Variants in FAP observed in about 807,000 individuals in gnomAD.
The protein encoded by FAP is prolyl endopeptidase FAP.
FAP carries 110 observed loss-of-function variants against 126.5 expected under a neutral mutation model. That is an observed-to-expected ratio of 0.87 (90% confidence interval 0.74 to 1.02). The LOEUF is 1.02. Among genes scored for constraint, FAP ranks in the 50% least tolerant of loss-of-function variants. The probability of loss-of-function intolerance (pLI) is 0.00; values close to 1 mark genes in which losing one functional copy is unlikely to be tolerated. For missense variants in FAP, 919 were observed against 909.2 expected (o/e 1.01, Z -0.14); for synonymous variants, 334 against 297.3 (o/e 1.12, Z -1.27).
intron 21 of FAP, among the ~76,000 whole-genome samples, chr2:162,178,934 G>C (rs1687584975): frequency 6.6e-6 from 1 of 152,032 alleles, no homozygotes; most frequent in South Asian, 2.1e-4. Context: ...TATTGTATAA[G>C]AGCACACACA....
chr2:162,225,941 T>TC (rs1213212511), intron 3 of FAP, among the ~76,000 whole-genome samples: 1 of 152,172 alleles, frequency 6.6e-6, no homozygotes, highest in Non-Finnish European at 1.5e-5. Context: ...AACTTAAAAC[T>TC]CACTTTGTAT....
At chr2:162,233,197 A>C (rs765642506) in intron 2 of FAP, among the ~76,000 whole-genome samples, 51 of 152,144 alleles carry the variant, frequency 3.4e-4, no homozygotes, top group Non-Finnish European at 6.2e-4. Context: ...CTAAGAAAAA[A>C]AATTCTGTGC....
intron 8 of FAP, among the ~76,000 whole-genome samples, chr2:162,218,816 T>G (rs1689265236): frequency 6.6e-6 from 1 of 152,020 alleles, no homozygotes; most frequent in Admixed American, 6.6e-5. Context: ...ACCATATACT[T>G]TTTTGGATTA....
intron 16 of FAP, chr2:162,197,581 A>G (rs1243049028): frequency 4.4e-6 from 2 of 456,590 alleles, no homozygotes; most frequent in African/African-American, 4.0e-5. Flanking sequence ...TCTTTGTGCT[A>G]TCTTCAAGGG....
At position 162,170,746 on chromosome 2, in the gene FAP, C is replaced by A; in HGVS notation, c.*233G>T. ...ATGAACAGGTGATAAAACACTGTGT[C>A]CAAAGCAAAATGCATGACTCCCTTT... On this transcript the variant is annotated 3_prime_UTR_variant, in exon 26 of 26. Coordinates refer to ENST00000188790, the MANE Select transcript of FAP (RefSeq NM_004460.5). 1 of 456,098 alleles carries A rather than the reference C, an allele frequency of 2.2e-6. No individual in the cohort carries two copies. Among genetic ancestry groups the A allele is most frequent in the Non-Finnish European group, 3.9e-6 (1 of 254,044 alleles). The allele number at this position is 456,098 out of a possible 1,614,324, so 28.3% of individuals were successfully genotyped here.
intron 17 of FAP, chr2:162,193,777 T>G (rs1397688042): frequency 6.6e-6 from 1 of 152,172 alleles, no homozygotes; most frequent in African/African-American, 2.4e-5. Context: ...GTTTTTGTTT[T>G]TTTTTCTTGT....
chr2:162,187,363 G>A (rs879656840), intron 20 of FAP, among the ~76,000 whole-genome samples: 27 of 152,038 alleles, frequency 1.8e-4, no homozygotes, highest in Admixed American at 6.6e-4. Flanking sequence ...ATATATTCAC[G>A]ACTGAGAGTG....
intron 15 of FAP, among the ~76,000 whole-genome samples, chr2:162,200,162 A>G (rs1688439939): frequency 6.6e-6 from 1 of 152,224 alleles, no homozygotes; most frequent in South Asian, 2.1e-4. Flanking sequence ...ATAGGAACAG[A>G]CATGGGTGGT....
At chr2:162,174,479 A>T (rs1687417818) in intron 22 of FAP, among the ~76,000 whole-genome samples, 1 of 152,170 alleles carries the variant, frequency 6.6e-6, no homozygotes, top group East Asian at 1.9e-4. Context: ...GGAACTGGCA[A>T]TTGCTAACTG....
chr2:162,195,534 G>T (rs959306003), intron 16 of FAP, among the ~76,000 whole-genome samples: 1 of 151,826 alleles, frequency 6.6e-6, no homozygotes, highest in Non-Finnish European at 1.5e-5. Context: ...GGGAGGTAGG[G>T]TTGGGGGGCG....
At chr2:162,239,351 T>C (rs1046709035) in intron 2 of FAP, among the ~76,000 whole-genome samples, 1 of 152,154 alleles carries the variant, frequency 6.6e-6, no homozygotes, top group South Asian at 2.1e-4. Context: ...TTTCCTTTTT[T>C]ACTCTCACTC....
chr2:162,234,996 C>T (rs777287145), intron 2 of FAP, among the ~76,000 whole-genome samples: 6 of 152,112 alleles, frequency 3.9e-5, no homozygotes, highest in Admixed American at 6.5e-5. Flanking sequence ...CCAGCAGCTG[C>T]GGAGGGCGAA....
rs528303017 is a variant in FAP, at chr2:162,234,781, G to A, written c.91+8127C>T. Among the ~76,000 whole-genome samples the A allele has an allele frequency of 7.9e-5, 12 of 152,228 alleles. No homozygotes were observed. The East Asian group carries it at 1.2e-3, about 15-fold the overall frequency. ...CCGCACTTCAGGAGCCCTTCAGCCC[G>A]CCGCTGCACCGTAGGAGCCTTTCTC... On this transcript the variant is annotated intron_variant, in intron 2 of 25. Transcript: ENST00000188790.
rs759932043 is a variant in FAP at position 162,188,368 on chromosome 2, A to G, written c.1620-5T>C. ...TGACTGCAGGGACCACCATACCTAAAGGAAAAACAAAAAAAACAAGAATCT... is the reference window on the plus strand; with the variant it reads ...TGACTGCAGGGACCACCATACCTAAGGGAAAAACAAAAAAAACAAGAATCT... On this transcript the variant is annotated splice_polypyrimidine_tract_variant and splice_region_variant and intron_variant, in intron 19 of 25. Transcript: ENST00000188790. 6.2e-7 allele frequency: 1 copy of G among 1,607,394 alleles called. No individual in the cohort carries two copies. The highest frequency in any genetic ancestry group is 2.2e-5 in the East Asian group (1 of 44,766).
intron 16 of FAP, chr2:162,198,098 A>G: frequency 9.9e-7 from 1 of 1,008,284 alleles, no homozygotes; most frequent in Non-Finnish European, 1.3e-6. Context: ...TATTCATTAA[A>G]TGTACGTATG....
chr2:162,189,807 T>C lies in FAP; in HGVS notation c.1451-53A>G, dbSNP rs939801618. On this transcript the variant is annotated intron_variant, in intron 17 of 25. Coordinates refer to ENST00000188790, the MANE Select transcript of FAP (RefSeq NM_004460.5). ...ATCAATAGTATTTCCATAAACAATT[T>C]TTTTCCTTAAAATTCCTTTGACTTC... is the stretch of plus-strand genomic sequence containing the variant. 5 of 1,097,930 alleles carry C rather than the reference T, an allele frequency of 4.6e-6. No homozygotes were observed. In the African/African-American group the frequency reaches 8.0e-5, roughly 18 times the overall value. 68.0% of individuals were successfully genotyped at this position (1,097,930 alleles called of 1,614,324 possible).
chr2:162,209,519 T>A (rs1304429003), intron 12 of FAP: 1 of 156,780 alleles, frequency 6.4e-6, no homozygotes, highest in African/African-American at 2.4e-5. Flanking sequence ...ATTTAGTACA[T>A]GTTATATGAA....
At chr2:162,237,993 C>CT (rs34533034) in intron 2 of FAP, among the ~76,000 whole-genome samples, 1 of 150,430 alleles carries the variant, frequency 6.6e-6, no homozygotes, top group East Asian at 1.9e-4. Context: ...GCATAAATGC[C>CT]TTTTTTTGAG....
At chr2:162,211,336 T>G (rs1327204017) in intron 11 of FAP, among the ~76,000 whole-genome samples, 1 of 152,152 alleles carries the variant, frequency 6.6e-6, no homozygotes, top group Non-Finnish European at 1.5e-5. Context: ...TTACCTGGAC[T>G]CACTATTGGA....
Sources: allele counts gnomAD v4.1 joint callset (sites outside exome capture counted in the v4.1 genomes callset), GRCh38; gene constraint gnomAD v4.1.1; transcripts MANE v1.5; gene names NCBI Gene and HGNC (gene_info 2026-07-23, HGNC 2026-07-21).